The following ABLIM2 variants were observed in gnomAD, a reference collection of about 807,000 sequenced individuals.
ABLIM2 encodes actin binding LIM protein family member 2.
Under a neutral mutation model 97.7 loss-of-function variants are expected in ABLIM2, and 53 were observed. That is an observed-to-expected ratio of 0.54 (90% CI 0.44 to 0.68). ABLIM2 has a LOEUF of 0.68. ABLIM2 is among the 30% of genes least tolerant of loss of function. The probability of loss-of-function intolerance (pLI) is 0.00; values close to 1 mark genes in which losing one functional copy is unlikely to be tolerated. For missense variants in ABLIM2, 835 were observed against 867.2 expected, an observed-to-expected ratio of 0.96 and a Z score of 0.47; for synonymous variants, 361 against 345.8, an observed-to-expected ratio of 1.04 and a Z score of -0.49.
In ABLIM2 at chr4:7,966,924, G is replaced by T. The variant is rs1393314311; in HGVS notation, c.*66C>A. The T allele has an allele frequency of 3.7e-6, 4 of 1,076,274 alleles. No individual in the cohort carries two copies. The highest frequency in any genetic ancestry group is 5.6e-6 in the Non-Finnish European group (4 of 715,828). The allele number at this position is 1,076,274 out of a possible 1,614,324, so 66.7% of individuals were successfully genotyped here. ...AGCAAGGTGTGTGGGAGGGGTGTGT[G>T]CGGTTCTCGCCAGGGGCCCCTGGCC... On this transcript the variant is annotated 3_prime_UTR_variant, in exon 21 of 21. Coordinates refer to ENST00000447017, the MANE Select transcript of ABLIM2 (RefSeq NM_001130083.2).
intron 17 of ABLIM2, among the ~76,000 whole-genome samples, chr4:7,988,469 G>A (rs1746173720): frequency 6.6e-6 from 1 of 152,180 alleles, no homozygotes. Context: ...CAAATACATG[G>A]GACTGTAAAT....
Position 8,009,062 on chromosome 4 carries a change from C to G in ABLIM2, c.1464G>C (p.Gln488His). Residue 488 changes from glutamine to histidine, a missense_variant, in exon 15 of 21, where the codon CAG becomes CAC. Gln to His is a conservative substitution (Grantham distance 24). Coordinates refer to ENST00000447017, the MANE Select transcript of ABLIM2 (RefSeq NM_001130083.2). ...RSDGEDGSLDQDNRKQKSSWL... is the reference protein window; with the variant it reads ...RSDGEDGSLDHDNRKQKSSWL... Reference sequence around the variant, plus strand: ...TCCCTGGCATTACCTTCCTGTTATCCTGGTCCAAGCTTCCATCCTCCCCAT... The same window carrying G: ...TCCCTGGCATTACCTTCCTGTTATCGTGGTCCAAGCTTCCATCCTCCCCAT... 6.2e-7 allele frequency: 1 copy of G among 1,614,016 alleles called. No individual in the cohort carries two copies.
In ABLIM2 at chr4:7,966,807, T is replaced by TATCATTAA; in HGVS notation, c.*182_*183insTTAATGAT. On this transcript the variant is annotated 3_prime_UTR_variant, in exon 21 of 21. Coordinates refer to ENST00000447017, the MANE Select transcript of ABLIM2 (RefSeq NM_001130083.2). Reference sequence around the variant, plus strand: ...GGCGTGAAGCTAGCCGTCTCGGCCCTAAACTACCGGCAGGAGTGTCGCCGG... The same window carrying TATCATTAA: ...GGCGTGAAGCTAGCCGTCTCGGCCCTATCATTAAAAACTACCGGCAGGAGTGTCGCCGG... 1 of 580,226 alleles carries TATCATTAA rather than the reference T, an allele frequency of 1.7e-6. No homozygotes were observed. The highest frequency in any genetic ancestry group is 2.2e-5 in the South Asian group (1 of 45,268). 35.9% of individuals were successfully genotyped at this position (580,226 alleles called of 1,614,324 possible).
At position 8,020,735 on chromosome 4, in the gene ABLIM2, G is replaced by C. The variant is rs115542281; in HGVS notation, c.1268-432C>G. The stretch of plus-strand genomic sequence containing the variant: ...TGAGAATCTAAAAATTAGCTGCTCA[G>C]AATAGGATTAAAGCACTAAAATGAT... On this transcript the variant is annotated intron_variant, in intron 12 of 20. Transcript: ENST00000447017. The C allele has an allele frequency of 3.2e-3, 671 of 212,936 alleles. 4 individuals are homozygous for C. The highest frequency in any genetic ancestry group is 0.013 in the African/African-American group (580 of 42,976). 13.2% of individuals were successfully genotyped at this position (212,936 alleles called of 1,614,324 possible).
At chr4:8,074,165 T>C (rs181102054) in intron 6 of ABLIM2, among the ~76,000 whole-genome samples, 1 of 138,992 alleles carries the variant, frequency 7.2e-6, no homozygotes, top group East Asian at 2.3e-4. Flanking sequence ...AAATTAAAGC[T>C]AGACCCTGCA....
At chr4:8,034,517 A>G (rs1579274520) in intron 10 of ABLIM2, among the ~76,000 whole-genome samples, 1 of 26,516 alleles carries the variant, frequency 3.8e-5, no homozygotes, top group Non-Finnish European at 6.9e-5. Context: ...AGGTGGGTGC[A>G]GGTGGGTGGG....
rs1849145523 is a variant in ABLIM2, at chr4:8,130,051, G to C, written c.11-23414C>G. Among the ~76,000 whole-genome samples the C allele has an allele frequency of 6.6e-6, 1 of 152,206 alleles. No homozygotes were observed. The highest frequency in any genetic ancestry group is 6.5e-5 in the Admixed American group (1 of 15,286). ...CACTGCCTGGGGTTCCCACGGAGAA[G>C]GAGCCTCAGATTCCCCTGGCCTCCA... On this transcript the variant is annotated intron_variant, in intron 1 of 20. Transcript: ENST00000447017. The surrounding 1 kb of genome is among the most constrained non-coding windows in gnomAD (Gnocchi z 4.2).
In ABLIM2 at chr4:8,112,979, A is replaced by T. The variant is rs1348004574; in HGVS notation, c.11-6342T>A. Among the ~76,000 whole-genome samples, 2 of 152,218 alleles carry T rather than the reference A, an allele frequency of 1.3e-5. No individual in the cohort carries two copies. Among genetic ancestry groups the T allele is most frequent in the Non-Finnish European group, 2.9e-5 (2 of 68,040 alleles). On this transcript the variant is annotated intron_variant, in intron 1 of 20. Coordinates refer to ENST00000447017, the MANE Select transcript of ABLIM2 (RefSeq NM_001130083.2). This position sits in a 1 kb window ranked among gnomAD's most constrained non-coding sequence, Gnocchi z 4.2. ...CCACACCAGCGTGACAGGCACAGGA[A>T]GAGGGACATGCCAGGCCAAAAGGGC...
chr4:8,099,477 C>T (rs1833400899), intron 2 of ABLIM2, among the ~76,000 whole-genome samples: 1 of 152,206 alleles, frequency 6.6e-6, no homozygotes, highest in Non-Finnish European at 1.5e-5. Context: ...TGTCCAGCCC[C>T]AGCCGTTATC....
intron 1 of ABLIM2, among the ~76,000 whole-genome samples, chr4:8,114,612 CCG>C (rs372485115): frequency 1.7e-3 from 257 of 152,332 alleles, no homozygotes; most frequent in African/African-American, 6.0e-3. Flanking sequence ...TAACCATGAA[CCG>C]AGGACGCTGC....
In ABLIM2 at chr4:8,132,671, G is replaced by A. The variant is rs898075510; in HGVS notation, c.10+26009C>T. ...CATGAAGCACGGCCCCTACCCCGCT[G>A]TCTTCCCTCGGGTGACTCAGTCCTG... is the stretch of plus-strand genomic sequence containing the variant. On this transcript the variant is annotated intron_variant, in intron 1 of 20. Coordinates refer to ENST00000447017, the MANE Select transcript of ABLIM2 (RefSeq NM_001130083.2). The surrounding 1 kb of genome is among the most constrained non-coding windows in gnomAD (Gnocchi z 8.0). Among the ~76,000 whole-genome samples the A allele has an allele frequency of 1.3e-5, 2 of 152,198 alleles. No homozygotes were observed. The highest frequency in any genetic ancestry group is 6.5e-5 in the Admixed American group (1 of 15,282).
Position 7,983,651 on chromosome 4 carries a change from C to T in ABLIM2, c.1736-97G>A, listed in dbSNP as rs570252438. ...TCCCTGCCCTGGGGTACCCCTGTCT[C>T]CCCCCTGCAGTCACCTGGGCCATGC... is the stretch of plus-strand genomic sequence containing the variant. On this transcript the variant is annotated intron_variant, in intron 18 of 20. Transcript: ENST00000447017. The T allele has an allele frequency of 3.1e-5, 45 of 1,449,048 alleles. No homozygotes were observed. The African/African-American group carries it at 5.0e-4, about 16-fold the overall frequency. 89.8% of individuals were successfully genotyped at this position (1,449,048 alleles called of 1,614,324 possible).
chr4:8,016,494 C>A (rs372581064), intron 14 of ABLIM2, among the ~76,000 whole-genome samples: 227 of 152,284 alleles, frequency 1.5e-3, no homozygotes, highest in South Asian at 6.0e-3. Context: ...TCCCATTTTC[C>A]AGGGGAGACA....
intron 2 of ABLIM2, among the ~76,000 whole-genome samples, chr4:8,099,215 G>C (rs1433945278): frequency 1.3e-5 from 2 of 152,234 alleles, no homozygotes; most frequent in Non-Finnish European, 2.9e-5. Flanking sequence ...CCCAACTGGG[G>C]AGAAGCAGAG....
At chr4:8,027,273 T>C (rs1023465939) in intron 12 of ABLIM2, among the ~76,000 whole-genome samples, 1 of 152,170 alleles carries the variant, frequency 6.6e-6, no homozygotes. Context: ...GGATGGCTCA[T>C]CCACTCCTGG....
chr4:8,051,575 A>AAAG (rs1554010845), intron 8 of ABLIM2, among the ~76,000 whole-genome samples: 6 of 151,570 alleles, frequency 4.0e-5, no homozygotes, highest in African/African-American at 1.2e-4. Context: ...AAAAAAAAAA[A>AAAG]AAAAGAAAAG....
chr4:7,988,674 G>A (rs925819085), intron 17 of ABLIM2, among the ~76,000 whole-genome samples: 1 of 152,170 alleles, frequency 6.6e-6, no homozygotes. Flanking sequence ...ACTCATGTGG[G>A]AACCATGCTA....
At position 8,069,362 on chromosome 4, in the gene ABLIM2, T is replaced by C. The variant is rs1035316334; in HGVS notation, c.675+8266A>G. 3.9e-5 allele frequency among the ~76,000 whole-genome samples: 6 copies of C among 152,196 alleles called. No homozygotes were observed. The highest frequency in any genetic ancestry group is 1.4e-4 in the African/African-American group (6 of 41,442). ...AAAGGCTAGGGCAGAATCCCGCCTG[T>C]GGATGTTCACACGCACTGCAGCGTG... On this transcript the variant is annotated intron_variant, in intron 6 of 20. Transcript: ENST00000447017. This position sits in a 1 kb window ranked among gnomAD's most constrained non-coding sequence, Gnocchi z 4.2.
Position 8,001,706 on chromosome 4 carries a change from C to T in ABLIM2, c.1618+6353G>A, listed in dbSNP as rs1370534544. On this transcript the variant is annotated intron_variant, in intron 16 of 20. Transcript: ENST00000447017. This position sits in a 1 kb window ranked among gnomAD's most constrained non-coding sequence, Gnocchi z 4.2. The stretch of plus-strand genomic sequence containing the variant: ...GGACCCTCCAGCCACTAGCTGGATG[C>T]CAAGGTGGCCACGCCTGAGCCCCCA... Among the ~76,000 whole-genome samples the T allele has an allele frequency of 6.6e-6, 1 of 152,130 alleles. No homozygotes were observed. Among genetic ancestry groups the T allele is most frequent in the Non-Finnish European group, 1.5e-5 (1 of 68,012 alleles).
Sources: gnomAD v4.1 joint callset for allele counts (sites outside exome capture counted in the v4.1 genomes callset) on GRCh38, gnomAD v4.1.1 for gene constraint, Gnocchi (gnomAD v3.1) non-coding constraint, MANE v1.5 for transcripts, NCBI Gene and HGNC (gene_info 2026-07-23, HGNC 2026-07-21) for gene names.